Variants in ECT2 observed in about 807,000 individuals in gnomAD.
ECT2 encodes protein ECT2.
ECT2 carries 61 observed loss-of-function variants against 116.9 expected under a neutral mutation model. The observed-to-expected ratio is 0.52, with a 90% CI of 0.42 to 0.65. The LOEUF is 0.65. Among genes scored for constraint, ECT2 ranks in the 30% least tolerant of loss-of-function variants. The pLI is 0.00. For synonymous variants in ECT2, 358 were observed against 346.4 expected, an observed-to-expected ratio of 1.03 and a Z score of -0.37; for missense variants, 937 against 1,078.7, an observed-to-expected ratio of 0.87 and a Z score of 1.84.
chr3:172,765,959 G>A (rs1719298812), intron 12 of ECT2, among the ~76,000 whole-genome samples: 1 of 152,178 alleles, frequency 6.6e-6, no homozygotes. Context: ...ACTCCTTTCT[G>A]CCAATCCTGT....
At chr3:172,778,588 CTTTTTTTTTTTTT>C (rs5854485) in intron 14 of ECT2, among the ~76,000 whole-genome samples, 6 of 59,780 alleles carry the variant, frequency 1.0e-4, no homozygotes, top group Non-Finnish European at 1.5e-4. Context: ...TATTAGCTAT[CTTTTTTTTTTTTT>C]TTTTTTTTTT....
At chr3:172,806,738 C>T (rs1168069501) in intron 21 of ECT2, among the ~76,000 whole-genome samples, 4 of 150,260 alleles carry the variant, frequency 2.7e-5, no homozygotes, top group Admixed American at 6.6e-5. Context: ...CTGCAGCTCC[C>T]GCCAGGATTC....
chr3:172,820,599 C>G lies in ECT2; in HGVS notation c.*362C>G, dbSNP rs1730567323. ...TGCTGTGAATCTATTTGTATAGTATCCATGAATGAATTTATGGAAATAGAT... is the reference window on the plus strand; with the variant it reads ...TGCTGTGAATCTATTTGTATAGTATGCATGAATGAATTTATGGAAATAGAT... On this transcript the variant is annotated 3_prime_UTR_variant, in exon 25 of 25. Transcript: ENST00000392692. 1 of 158,346 alleles carries G rather than the reference C, an allele frequency of 6.3e-6. No individual in the cohort carries two copies. The highest frequency in any genetic ancestry group is 1.4e-5 in the Non-Finnish European group (1 of 72,166). The allele number at this position is 158,346 out of a possible 1,614,324, so 9.8% of individuals were successfully genotyped here.
rs1359139582 is a variant in ECT2, at chr3:172,820,764, A to G, written c.*527A>G. On this transcript the variant is annotated 3_prime_UTR_variant, in exon 25 of 25. Coordinates refer to ENST00000392692, the MANE Select transcript of ECT2 (RefSeq NM_001258315.2). ...TAAATAACCACTCCTTTCACAGTTT[A>G]TTTTCTTCTCAAGCGTTTTCAAGAT... 6.6e-6 allele frequency: 1 copy of G among 151,888 alleles called. No individual in the cohort carries two copies. The highest frequency in any genetic ancestry group is 1.5e-5 in the Non-Finnish European group (1 of 67,840). The allele number at this position is 151,888 out of a possible 1,614,324, so 9.4% of individuals were successfully genotyped here.
intron 22 of ECT2, among the ~76,000 whole-genome samples, chr3:172,815,131 G>A (rs553211096): frequency 6.6e-6 from 1 of 152,244 alleles, no homozygotes; most frequent in Admixed American, 6.5e-5. Flanking sequence ...CCCAATTTCT[G>A]TTCATTGTCA....
At chr3:172,793,643 T>C (rs1725093206) in intron 18 of ECT2, among the ~76,000 whole-genome samples, 1 of 152,058 alleles carries the variant, frequency 6.6e-6, no homozygotes, top group South Asian at 2.1e-4. Context: ...TTAGTATTTT[T>C]AGTAGAGACG....
At chr3:172,811,994 T>TG (rs886524937) in intron 22 of ECT2, among the ~76,000 whole-genome samples, 1 of 151,850 alleles carries the variant, frequency 6.6e-6, no homozygotes, top group African/African-American at 2.4e-5. Flanking sequence ...TTTTTTTTTT[T>TG]TTTTTGGGAG....
At chr3:172,759,723 C>T (rs1418353280) in intron 6 of ECT2, among the ~76,000 whole-genome samples, 10 of 152,158 alleles carry the variant, frequency 6.6e-5, no homozygotes, top group East Asian at 5.8e-4. Flanking sequence ...GGATTACATG[C>T]GTGAGCCACC....
chr3:172,797,635 C>T (rs1327553426), intron 18 of ECT2, among the ~76,000 whole-genome samples: 1 of 152,122 alleles, frequency 6.6e-6, no homozygotes, highest in Non-Finnish European at 1.5e-5. Context: ...TTTCATCTGG[C>T]TCAACTTCCA....
chr3:172,761,409 G>A (rs542449981), intron 7 of ECT2, among the ~76,000 whole-genome samples: 41 of 152,154 alleles, frequency 2.7e-4, no homozygotes, highest in African/African-American at 9.9e-4. Context: ...GAAACAGTTC[G>A]GACACCATGG....
At chr3:172,788,288 A>G (rs1485217007) in intron 18 of ECT2, among the ~76,000 whole-genome samples, 1 of 152,220 alleles carries the variant, frequency 6.6e-6, no homozygotes, top group African/African-American at 2.4e-5. Flanking sequence ...AGCCTCCTAA[A>G]ATTGAATTCT....
At chr3:172,771,836 T>C (rs901414808) in intron 13 of ECT2, among the ~76,000 whole-genome samples, 18 of 152,196 alleles carry the variant, frequency 1.2e-4, no homozygotes, top group Non-Finnish European at 1.5e-5. Flanking sequence ...ATTGGAAAAA[T>C]AGAATCTTTC....
intron 14 of ECT2, among the ~76,000 whole-genome samples, chr3:172,779,707 A>C (rs1722352209): frequency 6.6e-6 from 1 of 152,036 alleles, no homozygotes. Flanking sequence ...GGAGTTTGAG[A>C]CCAGCCTGGT....
chr3:172,757,014 C>A lies in ECT2; in HGVS notation c.335C>A (p.Ser112Ter). The A allele has an allele frequency of 6.2e-7, 1 of 1,607,560 alleles. No individual in the cohort carries two copies. Among genetic ancestry groups the A allele is most frequent in the South Asian group, 1.1e-5 (1 of 89,658 alleles). Residue 112 changes from serine (S) to a stop codon, truncating the protein, a stop_gained, in exon 5 of 25, where the codon TCA becomes TAA. Coordinates refer to ENST00000392692, the MANE Select transcript of ECT2 (RefSeq NM_001258315.2). LOFTEE classifies it high-confidence loss of function. Reference protein sequence around the residue: ...DIKVGFVKMESVEEFEGLDSP... With the variant: ...DIKVGFVKME ...AAAGTGGGCTTTGTAAAGATGGAGT[C>A]AGTGGAAGAATTTGAAGGTTTGGAT... is the stretch of plus-strand genomic sequence containing the variant.
At chr3:172,758,317 C>T (rs1407172563) in intron 5 of ECT2, among the ~76,000 whole-genome samples, 2 of 152,112 alleles carry the variant, frequency 1.3e-5, no homozygotes, top group Admixed American at 6.5e-5. Context: ...ATAATAAGCA[C>T]ATGTTAACCT....
intron 21 of ECT2, among the ~76,000 whole-genome samples, chr3:172,807,445 G>A (rs1021870782): frequency 2.0e-5 from 3 of 152,090 alleles, no homozygotes; most frequent in African/African-American, 4.8e-5. Context: ...AAAATAGGTT[G>A]TATTTTAGCA....
At chr3:172,812,456 A>G (rs1728940128) in intron 22 of ECT2, among the ~76,000 whole-genome samples, 1 of 152,004 alleles carries the variant, frequency 6.6e-6, no homozygotes, top group African/African-American at 2.4e-5. Context: ...GTTTTTAATT[A>G]TTTTCCAGCT....
chr3:172,764,707 T>C (rs749388535), intron 12 of ECT2, among the ~76,000 whole-genome samples: 33 of 152,202 alleles, frequency 2.2e-4, no homozygotes, highest in Non-Finnish European at 4.3e-4. Context: ...GCTTTATACG[T>C]TTTGTGTGTT....
the ECT2 span, chr3:172,828,909 C>T: frequency 6.9e-7 from 1 of 1,447,950 alleles, no homozygotes; most frequent in Admixed American, 1.8e-5. Flanking sequence ...CTGCCAAACA[C>T]AATTCCAATG....
Sources: gnomAD v4.1 joint callset for allele counts (sites outside exome capture counted in the v4.1 genomes callset) on GRCh38, gnomAD v4.1.1 for gene constraint, MANE v1.5 for transcripts, NCBI Gene and HGNC (gene_info 2026-07-23, HGNC 2026-07-21) for gene names.